ZFHX3: variants seen among roughly 807,000 people sequenced by gnomAD.
The protein encoded by ZFHX3 is zinc finger homeobox 3, also known as zinc finger homeobox protein 3.
In ZFHX3, 42 loss-of-function variants were observed where a neutral mutation model predicts 279.1. The observed-to-expected ratio is 0.15, with a 90% CI of 0.12 to 0.19. The LOEUF (loss-of-function observed/expected upper bound fraction) is 0.19. Ranked by LOEUF, ZFHX3 falls within the 10% of genes least tolerant of loss-of-function variation. The pLI is 1.00. For synonymous variants in ZFHX3, 2,293 were observed against 1,957.8 expected, an observed-to-expected ratio of 1.17 and a Z score of -4.52; for missense variants, 4,981 against 4,754.0, an observed-to-expected ratio of 1.05 and a Z score of -1.40.
At chr16:73,814,491 G>A (rs77672948) in intron 1 of ZFHX3, among the ~76,000 whole-genome samples, 65 of 152,060 alleles carry the variant, frequency 4.3e-4, no homozygotes, top group African/African-American at 1.5e-3. Flanking sequence ...TGGTAAAGAT[G>A]CATTTACATA....
chr16:73,251,698 CAT>C (rs1434315455), intron 5 of ZFHX3, among the ~76,000 whole-genome samples: 4 of 122,530 alleles, frequency 3.3e-5, no homozygotes, highest in South Asian at 2.8e-4. Flanking sequence ...CACACACACA[CAT>C]GCACACACAC....
At chr16:73,448,001 A>G (rs187292504) in intron 3 of ZFHX3, among the ~76,000 whole-genome samples, 119 of 152,332 alleles carry the variant, frequency 7.8e-4, no homozygotes, top group African/African-American at 2.6e-3. Flanking sequence ...AAAGAACAGG[A>G]GAAACATTCT....
At chr16:73,339,295 T>C (rs978487285) in intron 3 of ZFHX3, among the ~76,000 whole-genome samples, 3 of 152,190 alleles carry the variant, frequency 2.0e-5, no homozygotes, top group African/African-American at 7.2e-5. Flanking sequence ...AATGAAGTTG[T>C]TTGTGCCTAT....
At chr16:73,536,697 G>A (rs978134650) in intron 2 of ZFHX3, among the ~76,000 whole-genome samples, 4 of 152,144 alleles carry the variant, frequency 2.6e-5, no homozygotes, top group African/African-American at 9.7e-5. Flanking sequence ...ACATCAGTTA[G>A]GCTTGATTCT....
At chr16:73,337,910 T>G (rs2015949500) in intron 3 of ZFHX3, among the ~76,000 whole-genome samples, 1 of 108,188 alleles carries the variant, frequency 9.2e-6, no homozygotes, top group Admixed American at 9.2e-5. Context: ...GGGGTCCTCA[T>G]CCCCTTTTTA....
At chr16:73,140,998 C>G (rs972435651) in intron 6 of ZFHX3, among the ~76,000 whole-genome samples, 6 of 152,212 alleles carry the variant, frequency 3.9e-5, no homozygotes, top group Admixed American at 3.3e-4. Context: ...TCAAGAGCAG[C>G]TGGTCACCCC....
At chr16:72,990,926 A>C (rs1963063878) in intron 1 of ZFHX3, among the ~76,000 whole-genome samples, 1 of 151,988 alleles carries the variant, frequency 6.6e-6, no homozygotes, top group African/African-American at 2.4e-5. Context: ...GTTGCAGTGA[A>C]CCAAGATCGC....
intron 3 of ZFHX3, among the ~76,000 whole-genome samples, chr16:73,428,233 G>A (rs2017846327): frequency 6.6e-6 from 1 of 152,128 alleles, no homozygotes; most frequent in Admixed American, 6.6e-5. Flanking sequence ...TGACCCCAGG[G>A]TCGGGGGCAC....
At chr16:73,559,024 C>T (rs978238597) in intron 2 of ZFHX3, among the ~76,000 whole-genome samples, 1 of 151,610 alleles carries the variant, frequency 6.6e-6, no homozygotes, top group African/African-American at 2.4e-5. Flanking sequence ...CCCTTCTCTG[C>T]TCCTTAAGCA....
At chr16:73,087,530 G>T (rs1438826236) in intron 8 of ZFHX3, among the ~76,000 whole-genome samples, 4 of 152,118 alleles carry the variant, frequency 2.6e-5, no homozygotes, top group Non-Finnish European at 5.9e-5. Flanking sequence ...GATATCACAG[G>T]GAAGCTGCTG....
chr16:73,781,927 C>T (rs1348716732), intron 1 of ZFHX3, among the ~76,000 whole-genome samples: 1 of 152,106 alleles, frequency 6.6e-6, no homozygotes, highest in South Asian at 2.1e-4. Context: ...GTGGAGGTTG[C>T]AGTGAGCTGA....
At chr16:73,440,196 A>G (rs2018065418) in intron 3 of ZFHX3, among the ~76,000 whole-genome samples, 1 of 152,240 alleles carries the variant, frequency 6.6e-6, no homozygotes, top group South Asian at 2.1e-4. Context: ...CAGAAAGTCA[A>G]TAAGACACCT....
At chr16:73,057,181 G>C (rs543814509) in intron 1 of ZFHX3, among the ~76,000 whole-genome samples, 1 of 152,362 alleles carries the variant, frequency 6.6e-6, no homozygotes, top group East Asian at 1.9e-4. Flanking sequence ...AGGGGGAAAA[G>C]TTAAGACTGG....
At chr16:73,712,110 G>A (rs755990895) in intron 1 of ZFHX3, among the ~76,000 whole-genome samples, 2 of 152,224 alleles carry the variant, frequency 1.3e-5, no homozygotes, top group Non-Finnish European at 2.9e-5. Flanking sequence ...GAATGGTGAG[G>A]TCTGGTCCTG....
intron 3 of ZFHX3, among the ~76,000 whole-genome samples, chr16:73,434,816 T>C (rs1178045354): frequency 6.6e-6 from 1 of 152,078 alleles, no homozygotes; most frequent in Admixed American, 6.5e-5. Context: ...CTGACTGAGG[T>C]ACCCACTCAA....
upstream of ZFHX3, among the ~76,000 whole-genome samples, chr16:73,050,160 T>C (rs1329007564): frequency 6.6e-6 from 1 of 152,254 alleles, no homozygotes; most frequent in Non-Finnish European, 1.5e-5. Context: ...ATCATGATCC[T>C]GGTAGGCCCA....
intron 5 of ZFHX3, among the ~76,000 whole-genome samples, chr16:73,226,465 C>G (rs975158884): frequency 1.3e-5 from 2 of 152,230 alleles, no homozygotes; most frequent in Non-Finnish European, 2.9e-5. Context: ...TGAGCAAGTA[C>G]GGGCTCATGA....
Position 73,235,842 on chromosome 16 carries a change from C to T in ZFHX3, c.-1104+21205G>A, listed in dbSNP as rs573532040. 3.3e-5 allele frequency among the ~76,000 whole-genome samples: 5 copies of T among 152,136 alleles called. No homozygotes were observed. In the South Asian group the frequency reaches 1.0e-3, roughly 32 times the overall value. On this transcript the variant is annotated intron_variant, in intron 5 of 17. Transcript: ENST00000641206. Reference sequence around the variant, plus strand: ...TGCGCCACCACGCTAGGCAAAGTTTCGTATTTTTTGAAGCCACCAGGTTTC... The same window carrying T: ...TGCGCCACCACGCTAGGCAAAGTTTTGTATTTTTTGAAGCCACCAGGTTTC...
At chr16:73,525,716 C>T (rs946246663) in intron 2 of ZFHX3, among the ~76,000 whole-genome samples, 7 of 152,146 alleles carry the variant, frequency 4.6e-5, no homozygotes, top group Middle Eastern at 3.2e-3. Flanking sequence ...AATATCTCCC[C>T]GACCTCCTAG....
Sources: allele counts gnomAD v4.1 joint callset (sites outside exome capture counted in the v4.1 genomes callset), GRCh38; gene constraint gnomAD v4.1.1; transcripts MANE v1.5; gene names NCBI Gene and HGNC (gene_info 2026-07-23, HGNC 2026-07-21).